CCDC30: variants seen among roughly 807,000 people sequenced by gnomAD.
CCDC30 encodes the protein coiled-coil domain-containing protein 30.
In CCDC30, 70 loss-of-function variants were observed where a neutral mutation model predicts 100.2. That is an observed-to-expected ratio of 0.70 (90% CI 0.58 to 0.85). The LOEUF is 0.85. Ranked by LOEUF, CCDC30 falls within the 40% of genes least tolerant of loss-of-function variation. The pLI is 0.00. For missense variants in CCDC30, 652 were observed against 771.2 expected, an observed-to-expected ratio of 0.85 and a Z score of 1.83; for synonymous variants, 233 against 269.5, an observed-to-expected ratio of 0.86 and a Z score of 1.33.
At chr1:42,494,484 C>CA (rs1644197760) in intron 4 of CCDC30, among the ~76,000 whole-genome samples, 1 of 152,116 alleles carries the variant, frequency 6.6e-6, no homozygotes, top group African/African-American at 2.4e-5. Flanking sequence ...GCAATGGCAA[C>CA]AAAAGCCAAA....
At chr1:42,597,532 G>A (rs139459111) in intron 10 of CCDC30, among the ~76,000 whole-genome samples, 145 of 151,706 alleles carry the variant, frequency 9.6e-4, no homozygotes, top group East Asian at 8.4e-3. Flanking sequence ...TGTTGAGGCC[G>A]GGCACAGTGG....
At chr1:42,641,557 CA>C (rs1216848447) in intron 12 of CCDC30, among the ~76,000 whole-genome samples, 1 of 146,948 alleles carries the variant, frequency 6.8e-6, no homozygotes, top group African/African-American at 2.6e-5. Context: ...TCTAAAAAAA[CA>C]AAAAAACAAA....
At chr1:42,520,110 C>T (rs1226272816) in intron 6 of CCDC30, among the ~76,000 whole-genome samples, 1 of 151,696 alleles carries the variant, frequency 6.6e-6, no homozygotes, top group Non-Finnish European at 1.5e-5. Context: ...TTTCATTTAT[C>T]TCTTTTCTAA....
chr1:42,601,047 G>A lies in CCDC30; in HGVS notation c.1165-9931G>A, dbSNP rs115889748. On this transcript the variant is annotated intron_variant, in intron 10 of 16. Transcript: ENST00000668663. ...CAGGTATTTCCTTATAGTTGTGTGA[G>A]AACGGACTAATACAGACCCTAATGG... Among the ~76,000 whole-genome samples, 871 of 152,228 alleles carry A rather than the reference G, an allele frequency of 5.7e-3. 5 individuals carry two copies. The highest frequency in any genetic ancestry group is 8.8e-3 in the Admixed American group (134 of 15,278).
intron 11 of CCDC30, among the ~76,000 whole-genome samples, chr1:42,619,204 G>T (rs1219095434): frequency 6.6e-6 from 1 of 152,172 alleles, no homozygotes; most frequent in East Asian, 1.9e-4. Flanking sequence ...AAACTGTTCA[G>T]TTTGGTATCT....
intron 11 of CCDC30, among the ~76,000 whole-genome samples, chr1:42,632,339 C>T (rs1647053523): frequency 2.0e-5 from 3 of 152,066 alleles, no homozygotes; most frequent in Non-Finnish European, 2.9e-5. Context: ...TGGTGGTACA[C>T]ACTTGTAATC....
At chr1:42,631,794 G>A (rs1002727604) in intron 11 of CCDC30, among the ~76,000 whole-genome samples, 2 of 152,044 alleles carry the variant, frequency 1.3e-5, no homozygotes, top group East Asian at 1.9e-4. Flanking sequence ...CCAGACTACC[G>A]CCAATGTTCC....
rs57748230 is a variant in CCDC30, at chr1:42,473,969, A to ATTT, written c.-91-6484_-91-6482dup. Among the ~76,000 whole-genome samples, 7 of 149,896 alleles carry ATTT rather than the reference A, an allele frequency of 4.7e-5. No homozygotes were observed. The South Asian group carries it at 1.5e-3, about 31-fold the overall frequency. ...AGTGCTTAGAGGAGTAGATAAAGCT[A>ATTT]TTTTTTTTTTGGCCCTATTGTTACT... On this transcript the variant is annotated intron_variant, in intron 1 of 16. Transcript: ENST00000668663.
chr1:42,588,054 G>A (rs978713514), intron 9 of CCDC30, among the ~76,000 whole-genome samples: 2 of 152,214 alleles, frequency 1.3e-5, no homozygotes, highest in African/African-American at 4.8e-5. Context: ...ACAGGAATTA[G>A]TGAGGGGTAA....
At chr1:42,591,798 C>G (rs563112298) in intron 10 of CCDC30, 1 of 152,536 alleles carries the variant, frequency 6.6e-6, no homozygotes, top group South Asian at 2.1e-4. Flanking sequence ...CCAGCTCCAA[C>G]CAGTGAGATC....
intron 6 of CCDC30, among the ~76,000 whole-genome samples, chr1:42,530,622 G>C (rs947910434): frequency 6.6e-6 from 1 of 152,076 alleles, no homozygotes; most frequent in African/African-American, 2.4e-5. Flanking sequence ...ACTAGCCTGG[G>C]AAATATAATG....
chr1:42,541,103 T>TA (rs1352622338), intron 6 of CCDC30, among the ~76,000 whole-genome samples: 1 of 152,200 alleles, frequency 6.6e-6, no homozygotes, highest in African/African-American at 2.4e-5. Flanking sequence ...AACAAATATT[T>TA]ATTTCTCTCA....
chr1:42,644,708 T>C, exon 14 of CCDC30: 1 of 1,605,682 alleles, frequency 6.2e-7, no homozygotes, highest in South Asian at 1.1e-5. Context: ...TTTACATGGA[T>C]AAAGAAAATA....
chr1:42,496,636 A>G (rs906695885), intron 4 of CCDC30, among the ~76,000 whole-genome samples: 6 of 152,172 alleles, frequency 3.9e-5, no homozygotes, highest in African/African-American at 1.4e-4. Context: ...AGGTATTAAC[A>G]CTTTACAATT....
the CCDC30 span, chr1:42,456,396 TG>T: frequency 1.3e-6 from 1 of 775,514 alleles, no homozygotes; most frequent in Non-Finnish European, 2.0e-6. Flanking sequence ...CGCTGGGCTC[TG>T]GGGCAGAACA....
intron 11 of CCDC30, among the ~76,000 whole-genome samples, chr1:42,619,349 T>G (rs764771281): frequency 3.3e-5 from 5 of 152,170 alleles, no homozygotes; most frequent in Non-Finnish European, 7.3e-5. Context: ...AAGACATAAC[T>G]TAGCAGGGGC....
At chr1:42,456,894 C>T in the CCDC30 span, 2 of 1,612,446 alleles carry the variant, frequency 1.2e-6, no homozygotes, top group Non-Finnish European at 1.7e-6. Flanking sequence ...CCTTCGGGCC[C>T]AGCCCTTTCG....
chr1:42,630,789 C>T (rs1647023945), intron 11 of CCDC30, among the ~76,000 whole-genome samples: 1 of 152,166 alleles, frequency 6.6e-6, no homozygotes, highest in African/African-American at 2.4e-5. Flanking sequence ...TTGCATTTTT[C>T]AGCTCCAGAA....
At chr1:42,509,734 A>C (rs536729567) in intron 6 of CCDC30, among the ~76,000 whole-genome samples, 1 of 152,308 alleles carries the variant, frequency 6.6e-6, no homozygotes, top group African/African-American at 2.4e-5. Flanking sequence ...CACACAATGC[A>C]CACTAGACTG....
Sources: gnomAD v4.1 joint callset for allele counts (sites outside exome capture counted in the v4.1 genomes callset) on GRCh38, gnomAD v4.1.1 for gene constraint, MANE v1.5 for transcripts, NCBI Gene and HGNC (gene_info 2026-07-23, HGNC 2026-07-21) for gene names.